Variants in IQGAP3 observed in about 807,000 individuals in gnomAD.
The protein encoded by IQGAP3 is IQ motif containing GTPase activating protein 3.
A neutral mutation model predicts 208.2 loss-of-function variants in IQGAP3; 165 were observed. That is an observed-to-expected ratio of 0.79 (90% CI 0.70 to 0.90). IQGAP3 has a LOEUF of 0.90. IQGAP3 is among the 40% of genes least tolerant of loss of function. The pLI is 0.00. For synonymous variants in IQGAP3, 703 were observed against 803.6 expected, an observed-to-expected ratio of 0.87 and a Z score of 2.12; for missense variants, 1,811 against 2,043.1, an observed-to-expected ratio of 0.89 and a Z score of 2.19.
intron 32 of IQGAP3, 79 bp downstream of exon 32, chr1:156,532,901 C>A: frequency 6.6e-7 from 1 of 1,505,706 alleles, no homozygotes; most frequent in Admixed American, 1.8e-5. Context: ...GTGGAATGGG[C>A]GCCTCAGAAT....
rs1344383710 is a variant in IQGAP3 at position 156,569,456 on chromosome 1, G to C, written c.45C>G (p.Arg15=). The part of the protein sequence containing the change: ...AAGPGWAAYE[R]LTAEEMDEQR... ...GCTCATCCATCTCCTCAGCTGTGAGGCGTTCATCTGAGGAGTTAAACGGGA... is the reference window on the plus strand; with the variant it reads ...GCTCATCCATCTCCTCAGCTGTGAGCCGTTCATCTGAGGAGTTAAACGGGA... Residue 15 remains arginine (R), a synonymous_variant, in exon 2 of 38, where the codon CGC becomes CGG. Transcript: ENST00000361170. The C allele has an allele frequency of 1.2e-6, 2 of 1,609,032 alleles. No individual in the cohort carries two copies. The highest frequency in any genetic ancestry group is 1.7e-6 in the Non-Finnish European group (2 of 1,177,032).
chr1:156,551,155 A>T (rs1468021714), intron 15 of IQGAP3, among the ~76,000 whole-genome samples: 1 of 152,210 alleles, frequency 6.6e-6, no homozygotes, highest in African/African-American at 2.4e-5. Flanking sequence ...CATAACTATG[A>T]GATACACTCT....
intron 12 of IQGAP3, 72 bp from the exon 13 acceptor site, chr1:156,554,464 C>A: frequency 7.0e-7 from 1 of 1,434,012 alleles, no homozygotes; most frequent in East Asian, 2.4e-5. Flanking sequence ...CCATCCTGCC[C>A]CCAAGGTTCT....
intron 2 of IQGAP3, among the ~76,000 whole-genome samples, chr1:156,568,104 A>G (rs1676488036): frequency 6.6e-6 from 1 of 152,258 alleles, no homozygotes; most frequent in African/African-American, 2.4e-5. Flanking sequence ...ACATATGTTA[A>G]ATATCACATA....
At chr1:156,528,204 G>A (rs528059816) in intron 36 of IQGAP3, 144 bp from the exon 37 acceptor site, 39 of 664,888 alleles carry the variant, frequency 5.9e-5, no homozygotes, top group South Asian at 2.9e-4. Context: ...GGCCCAGCTC[G>A]CTGTCTTCTC....
intron 34 of IQGAP3, among the ~76,000 whole-genome samples, 178 bp downstream of exon 34, chr1:156,529,927 A>AAAAAAAG (rs1674298044): frequency 1.3e-5 from 2 of 151,404 alleles, no homozygotes; most frequent in Non-Finnish European, 2.9e-5. Context: ...AAAAAAAAAA[A>AAAAAAAG]AAAAAAAGAA....
chr1:156,534,624 C>T lies in IQGAP3; in HGVS notation c.3617G>A (p.Arg1206His), dbSNP rs777692127. 67 of 1,611,998 alleles carry T rather than the reference C, an allele frequency of 4.2e-5. No individual in the cohort carries two copies. Among genetic ancestry groups the T allele is most frequent in the Admixed American group, 8.4e-5 (5 of 59,794 alleles). The change falls in exon 29 of 38, where the codon CGC becomes CAC. Residue 1206 changes from arginine (R) to histidine (H), a missense_variant. Coordinates refer to ENST00000361170, the MANE Select transcript of IQGAP3 (RefSeq NM_178229.5). ...CTGAGCCACAGCCCCCAGGGCATGG[C>T]GCTGGGGGGCAGCCAGGGCTCCACC... The part of the protein sequence containing the change: ...AAGGALAAPQ[R>H]HALGAVAQLL...
intron 10 of IQGAP3, 127 bp from the exon 11 acceptor site, chr1:156,561,148 G>T: frequency 1.6e-6 from 1 of 639,846 alleles, no homozygotes. Flanking sequence ...TCTCCGTTAG[G>T]CTGGCTCACT....
chr1:156,538,377 T>G (rs1472999146), intron 26 of IQGAP3, among the ~76,000 whole-genome samples: 2 of 151,724 alleles, frequency 1.3e-5, no homozygotes, highest in African/African-American at 2.4e-5. Flanking sequence ...TTAGTAGAGA[T>G]AGAGTTTCAC....
Position 156,572,494 on chromosome 1 carries a change from G to T in IQGAP3, c.36C>A (p.Ala12=). ...TTCTCTGACCCTCTCCGCACTCACA[G>T]GCTGCCCAGCCTGGGCCCGCTGCTC... ...ERRAAGPGWA[A]YERLTAEEMD... Residue 12 remains alanine (A), a splice_region_variant and synonymous_variant, in exon 1 of 38, where the codon GCC becomes GCA. Transcript: ENST00000361170. 3.7e-6 allele frequency: 6 copies of T among 1,611,052 alleles called. No homozygotes were observed. Among genetic ancestry groups the T allele is most frequent in the Non-Finnish European group, 5.1e-6 (6 of 1,179,920 alleles).
chr1:156,534,199 T>C lies in IQGAP3; in HGVS notation c.3741-58A>G. ...GAGGGCCAGCACCCCACACATCTTC[T>C]GTCCCCATCATTTCCCCAGCCTTCT... On this transcript the variant is annotated intron_variant, in intron 29 of 37. Coordinates refer to ENST00000361170, the MANE Select transcript of IQGAP3 (RefSeq NM_178229.5). 1.2e-6 allele frequency: 2 copies of C among 1,604,790 alleles called. 1 individual carries two copies. Among genetic ancestry groups the C allele is most frequent in the South Asian group, 2.2e-5 (2 of 90,970 alleles).
chr1:156,531,825 G>A (rs146536876), intron 32 of IQGAP3, among the ~76,000 whole-genome samples: 2,310 of 151,814 alleles, frequency 0.015, 70 homozygotes, highest in African/African-American at 0.053. Flanking sequence ...GGCTGGTCTC[G>A]AACTCCTGAC....
Position 156,566,103 on chromosome 1 carries a change from G to T in IQGAP3, c.284C>A (p.Ala95Glu), listed in dbSNP as rs1177449427. 17 of 1,613,336 alleles carry T rather than the reference G, an allele frequency of 1.1e-5. No individual in the cohort carries two copies. Among genetic ancestry groups the T allele is most frequent in the African/African-American group, 1.3e-5 (1 of 74,894 alleles). Residue 95 changes from alanine to glutamate, a missense_variant and splice_region_variant, in exon 4 of 38, where the codon GCA (alanine) becomes GAA (glutamate). By Grantham distance (107) the Ala-to-Glu change is moderately radical. Transcript: ENST00000361170. The stretch of plus-strand genomic sequence containing the variant: ...TGTGTGACGGAAATGTAAGCCAGTT[G>T]CCTGAAAGGGAAGGAAAAAGAAAAT... ...IYDVEQLRYQ[A>E]TGLHFRHTDN...
chr1:156,539,747 G>T, intron 24 of IQGAP3, 91 bp downstream of exon 24: 1 of 1,445,726 alleles, frequency 6.9e-7, no homozygotes, highest in Non-Finnish European at 9.7e-7. Flanking sequence ...AGGACACCTT[G>T]CATGGTGCCA....
intron 19 of IQGAP3, among the ~76,000 whole-genome samples, chr1:156,545,850 G>C (rs1372679571): frequency 1.3e-5 from 2 of 152,062 alleles, no homozygotes; most frequent in Non-Finnish European, 2.9e-5. Flanking sequence ...ACAGGCCCTG[G>C]GAGATACTCT....
chr1:156,564,788 T>C (rs1165565754), intron 4 of IQGAP3, 97 bp from the exon 5 acceptor site: 3 of 828,524 alleles, frequency 3.6e-6, no homozygotes, highest in Non-Finnish European at 6.3e-6. Flanking sequence ...CTCTCCAACC[T>C]GAGGTGTGTG....
intron 37 of IQGAP3, 77 bp downstream of exon 37, chr1:156,527,875 T>C (rs1674177035): frequency 1.1e-6 from 1 of 951,148 alleles, no homozygotes; most frequent in African/African-American, 1.6e-5. Context: ...ACTAGGAAAG[T>C]GAGGCCAGCT....
intron 2 of IQGAP3, among the ~76,000 whole-genome samples, chr1:156,567,278 A>G (rs1175050559): frequency 6.6e-6 from 1 of 152,194 alleles, no homozygotes; most frequent in African/African-American, 2.4e-5. Flanking sequence ...AATGATCTAC[A>G]TGGCTCATAA....
At position 156,560,754 on chromosome 1, in the gene IQGAP3, T is replaced by C. The variant is rs1457609543; in HGVS notation, c.1129+180A>G. Among the ~76,000 whole-genome samples the C allele has an allele frequency of 2.0e-5, 3 of 152,166 alleles. No individual in the cohort carries two copies. Among genetic ancestry groups the C allele is most frequent in the Non-Finnish European group, 2.9e-5 (2 of 68,032 alleles). On this transcript the variant is annotated intron_variant, in intron 11 of 37. Transcript: ENST00000361170. ...TATCTCTAAGGCCTTAATGAACTTA[T>C]CTGTAGTGTCCCCCCAGGCAGCAGG...
Sources: gnomAD v4.1 joint callset for allele counts (sites outside exome capture counted in the v4.1 genomes callset) on GRCh38, gnomAD v4.1.1 for gene constraint, MANE v1.5 for transcripts, NCBI Gene and HGNC (gene_info 2026-07-23, HGNC 2026-07-21) for gene names.